Variants in IMMP2L observed in about 807,000 individuals in gnomAD.
IMMP2L encodes the protein mitochondrial inner membrane protease subunit 2.
IMMP2L carries 18 observed loss-of-function variants against 19.3 expected under a neutral mutation model. The observed-to-expected ratio is 0.93, with a 90% CI of 0.64 to 1.38. The LOEUF (loss-of-function observed/expected upper bound fraction) is 1.38. IMMP2L is among the 40% of genes most tolerant of loss of function. IMMP2L has a pLI of 0.00. For synonymous variants in IMMP2L, 76 were observed against 73.0 expected, an observed-to-expected ratio of 1.04 and a Z score of -0.21; for missense variants, 233 against 218.2, an observed-to-expected ratio of 1.07 and a Z score of -0.43.
At chr7:111,453,718 T>A (rs1839428664) in intron 3 of IMMP2L, among the ~76,000 whole-genome samples, 1 of 152,140 alleles carries the variant, frequency 6.6e-6, no homozygotes, top group Non-Finnish European at 1.5e-5. Flanking sequence ...TGGTTATCCC[T>A]CACCAATGTC....
intron 5 of IMMP2L, among the ~76,000 whole-genome samples, chr7:110,689,768 C>T (rs996804381): frequency 6.6e-6 from 1 of 152,122 alleles, no homozygotes; most frequent in Non-Finnish European, 1.5e-5. Context: ...AACTGCTCTT[C>T]AGAGAATTGT....
intron 3 of IMMP2L, among the ~76,000 whole-genome samples, chr7:111,443,809 T>G (rs1838000998): frequency 6.6e-6 from 1 of 152,134 alleles, no homozygotes; most frequent in Admixed American, 6.5e-5. Context: ...TTTTCAATTT[T>G]TTTTCTCTAC....
chr7:110,941,759 A>G (rs1187213728), intron 4 of IMMP2L, among the ~76,000 whole-genome samples: 2 of 152,180 alleles, frequency 1.3e-5, no homozygotes, highest in Admixed American at 1.3e-4. Context: ...TTCAGAGTCC[A>G]TGCACAGAAG....
At chr7:111,238,268 G>A (rs1024341496) in intron 3 of IMMP2L, among the ~76,000 whole-genome samples, 3 of 152,020 alleles carry the variant, frequency 2.0e-5, no homozygotes, top group Admixed American at 6.6e-5. Flanking sequence ...TTACAGGGTA[G>A]AGAAGGTGAA....
At chr7:111,424,808 T>C (rs1035642696) in intron 3 of IMMP2L, among the ~76,000 whole-genome samples, 1 of 151,882 alleles carries the variant, frequency 6.6e-6, no homozygotes, top group African/African-American at 2.4e-5. Flanking sequence ...TCACCATATT[T>C]TGACTTTGCA....
intron 4 of IMMP2L, 130 bp downstream of exon 4, chr7:110,963,370 T>C (rs953399951): frequency 3.1e-6 from 2 of 642,344 alleles, no homozygotes; most frequent in Non-Finnish European, 5.4e-6. Context: ...TCACTAAAGA[T>C]GTACCAGCTC....
chr7:110,937,573 A>T (rs1816259591), intron 4 of IMMP2L, among the ~76,000 whole-genome samples: 1 of 152,126 alleles, frequency 6.6e-6, no homozygotes, highest in Non-Finnish European at 1.5e-5. Flanking sequence ...AATTGCTTAT[A>T]TTTCATGATT....
At chr7:110,844,652 G>A (rs1174731576) in intron 5 of IMMP2L, among the ~76,000 whole-genome samples, 2 of 138,888 alleles carry the variant, frequency 1.4e-5, no homozygotes, top group African/African-American at 3.1e-5. Context: ...CTACGCAGAA[G>A]ACAGAGTGGG....
intron 3 of IMMP2L, among the ~76,000 whole-genome samples, chr7:111,364,350 CTCAAT>C (rs1215742817): frequency 6.6e-6 from 1 of 151,890 alleles, no homozygotes; most frequent in Non-Finnish European, 1.5e-5. Flanking sequence ...AAAAATCTAC[CTCAAT>C]TCTTTTTTTT....
chr7:111,489,305 A>C (rs1361713517), intron 2 of IMMP2L, among the ~76,000 whole-genome samples: 1 of 151,840 alleles, frequency 6.6e-6, no homozygotes, highest in Non-Finnish European at 1.5e-5. Flanking sequence ...GGCCTCCCAA[A>C]GTGCTGGGAT....
intron 3 of IMMP2L, among the ~76,000 whole-genome samples, chr7:111,019,876 A>G (rs986117807): frequency 1.5e-4 from 23 of 152,070 alleles, no homozygotes; most frequent in Non-Finnish European, 1.3e-4. Flanking sequence ...TTCCATATTC[A>G]TACCTTTCCA....
intron 3 of IMMP2L, among the ~76,000 whole-genome samples, chr7:111,144,464 A>C (rs1231774200): frequency 1.3e-5 from 2 of 152,166 alleles, no homozygotes; most frequent in Non-Finnish European, 1.5e-5. Context: ...TCCATAGAGA[A>C]GCTGATCATA....
At chr7:111,066,625 A>C (rs1236317831) in intron 3 of IMMP2L, among the ~76,000 whole-genome samples, 2 of 152,100 alleles carry the variant, frequency 1.3e-5, no homozygotes, top group African/African-American at 4.8e-5. Context: ...AACTTTTGCA[A>C]CTCCAGATCC....
intron 3 of IMMP2L, among the ~76,000 whole-genome samples, chr7:111,126,525 T>G (rs1412806665): frequency 1.3e-5 from 2 of 152,194 alleles, no homozygotes; most frequent in African/African-American, 4.8e-5. Flanking sequence ...TTTAATTTTT[T>G]AGTCCAGTCC....
chr7:111,085,153 A>T (rs1341573450), intron 3 of IMMP2L, among the ~76,000 whole-genome samples: 1 of 151,248 alleles, frequency 6.6e-6, no homozygotes, highest in African/African-American at 2.5e-5. Context: ...AATTTGTCTC[A>T]TTGATTCCTG....
chr7:111,422,104 C>A (rs1314245613), intron 3 of IMMP2L, among the ~76,000 whole-genome samples: 1 of 151,736 alleles, frequency 6.6e-6, no homozygotes, highest in African/African-American at 2.4e-5. Flanking sequence ...GGTACCAGTA[C>A]CATGCTGTTT....
chr7:110,918,835 A>T (rs1301090854), intron 4 of IMMP2L, among the ~76,000 whole-genome samples: 1 of 152,208 alleles, frequency 6.6e-6, no homozygotes, highest in African/African-American at 2.4e-5. Flanking sequence ...TAATAATTTT[A>T]AAAAGATTAA....
At chr7:110,715,732 T>C (rs764125714) in intron 5 of IMMP2L, among the ~76,000 whole-genome samples, 3 of 148,810 alleles carry the variant, frequency 2.0e-5, no homozygotes, top group Admixed American at 6.7e-5. Context: ...TAGGCTGCGA[T>C]TGATGGGTTG....
intron 5 of IMMP2L, among the ~76,000 whole-genome samples, chr7:110,706,991 AT>A (rs57136908): frequency 1.5e-4 from 20 of 134,480 alleles, no homozygotes; most frequent in Non-Finnish European, 1.7e-4. Context: ...TTACACTTAA[AT>A]TTTTTTTTTT....
Sources: allele counts gnomAD v4.1 joint callset (sites outside exome capture counted in the v4.1 genomes callset), GRCh38; gene constraint gnomAD v4.1.1; transcripts MANE v1.5; gene names NCBI Gene and HGNC (gene_info 2026-07-23, HGNC 2026-07-21).